The following NAV2 variants were observed in gnomAD, a reference collection of about 807,000 sequenced individuals.
The protein encoded by NAV2 is neuron navigator 2.
Under a neutral mutation model 223.2 loss-of-function variants are expected in NAV2, and 54 were observed. That is an observed-to-expected ratio of 0.24 (90% CI 0.19 to 0.30). The LOEUF is 0.30. Among genes scored for constraint, NAV2 ranks in the 10% least tolerant of loss-of-function variants. The pLI is 1.00. For missense variants in NAV2, 2,806 were observed against 3,147.5 expected, an observed-to-expected ratio of 0.89 and a Z score of 2.60; for synonymous variants, 1,279 against 1,239.3, an observed-to-expected ratio of 1.03 and a Z score of -0.67.
At chr11:19,556,884 A>G (rs2044912311) in intron 1 of NAV2, among the ~76,000 whole-genome samples, 1 of 152,166 alleles carries the variant, frequency 6.6e-6, no homozygotes, top group African/African-American at 2.4e-5. Context: ...TGAAATAAAA[A>G]CGTCATTTTT....
chr11:19,417,041 G>T (rs1230235003), intron 1 of NAV2, among the ~76,000 whole-genome samples: 1 of 152,214 alleles, frequency 6.6e-6, no homozygotes, highest in Non-Finnish European at 1.5e-5. Context: ...CGTGGGCAAA[G>T]ACTTCATGAC....
At chr11:19,891,916 T>TA (rs1362251303) in intron 5 of NAV2, among the ~76,000 whole-genome samples, 2 of 152,028 alleles carry the variant, frequency 1.3e-5, no homozygotes, top group African/African-American at 4.8e-5. Flanking sequence ...TATTCAAAAG[T>TA]AAAAATACTT....
chr11:19,949,093 G>A lies in NAV2; in HGVS notation c.2645+13G>A. The A allele has an allele frequency of 1.3e-6, 2 of 1,569,818 alleles. No individual in the cohort carries two copies. The highest frequency in any genetic ancestry group is 1.7e-6 in the Non-Finnish European group (2 of 1,157,070). On this transcript the variant is annotated intron_variant, in intron 10 of 37. Transcript: ENST00000349880. ...ACATTACAAGCGGGTAAGTACCCGGGGCCGCCCTTTCTCCCAGAGAGAAAG... is the reference window on the plus strand; with the variant it reads ...ACATTACAAGCGGGTAAGTACCCGGAGCCGCCCTTTCTCCCAGAGAGAAAG...
chr11:19,909,130 C>A (rs1167395514), intron 6 of NAV2, among the ~76,000 whole-genome samples: 1 of 152,160 alleles, frequency 6.6e-6, no homozygotes, highest in South Asian at 2.1e-4. Context: ...TAAATGTCTC[C>A]CCTTTCTTGG....
At chr11:19,443,144 G>T (rs1315641661) in intron 1 of NAV2, among the ~76,000 whole-genome samples, 9 of 152,182 alleles carry the variant, frequency 5.9e-5, no homozygotes, top group Non-Finnish European at 8.8e-5. Context: ...CAGTTACCTT[G>T]TCCTGCTGCC....
At chr11:19,436,100 G>A (rs879408824) in intron 1 of NAV2, among the ~76,000 whole-genome samples, 22 of 151,618 alleles carry the variant, frequency 1.5e-4, no homozygotes, top group African/African-American at 4.1e-4. Context: ...TTTTGCTTTC[G>A]TTGCCTATGA....
chr11:20,074,760 C>CCTTTT (rs56895607), intron 22 of NAV2, among the ~76,000 whole-genome samples: 2 of 110,264 alleles, frequency 1.8e-5, no homozygotes, highest in East Asian at 5.3e-4. Context: ...TGCAACTCTG[C>CCTTTT]TTTTTTTTTT....
At chr11:19,414,986 G>A (rs113886377) in intron 1 of NAV2, among the ~76,000 whole-genome samples, 2 of 152,304 alleles carry the variant, frequency 1.3e-5, no homozygotes, top group African/African-American at 4.8e-5. Flanking sequence ...GCCCACAGGA[G>A]AAAGCAGGAA....
intron 1 of NAV2, among the ~76,000 whole-genome samples, chr11:19,697,850 T>C (rs1031696151): frequency 6.6e-6 from 1 of 152,188 alleles, no homozygotes; most frequent in Non-Finnish European, 1.5e-5. Context: ...TGGGGAGGAA[T>C]GTGAGAAGGG....
chr11:19,395,755 C>T (rs2729863), intron 1 of NAV2, among the ~76,000 whole-genome samples: 146,963 of 152,280 alleles, frequency 0.97, 71,121 homozygotes, highest in East Asian at 1. Flanking sequence ...TCCCGCCTCC[C>T]TTCCTCATGG....
intron 1 of NAV2, among the ~76,000 whole-genome samples, chr11:19,687,439 C>T (rs1422919121): frequency 1.3e-5 from 2 of 152,198 alleles, no homozygotes; most frequent in African/African-American, 4.8e-5. Context: ...TGAATTATCT[C>T]AAAGTGAACA....
intron 1 of NAV2, among the ~76,000 whole-genome samples, chr11:19,763,531 G>A (rs984049807): frequency 9.8e-5 from 15 of 152,292 alleles, no homozygotes; most frequent in Middle Eastern, 3.4e-3. Flanking sequence ...GCCTGGGGGC[G>A]ACACTGCCTT....
At chr11:19,976,701 C>T (rs1341185814) in intron 10 of NAV2, among the ~76,000 whole-genome samples, 1 of 152,190 alleles carries the variant, frequency 6.6e-6, no homozygotes, top group Non-Finnish European at 1.5e-5. Flanking sequence ...GTACCTTGAC[C>T]AGAGGATTTA....
intron 1 of NAV2, among the ~76,000 whole-genome samples, chr11:19,571,665 C>A (rs1338751543): frequency 5.9e-5 from 9 of 151,486 alleles, no homozygotes; most frequent in African/African-American, 2.2e-4. Flanking sequence ...GAGATTGCAC[C>A]ACTGCACTCC....
At chr11:19,856,164 ATTCT>A (rs1245784143) in intron 3 of NAV2, among the ~76,000 whole-genome samples, 1 of 152,220 alleles carries the variant, frequency 6.6e-6, no homozygotes, top group Non-Finnish European at 1.5e-5. Context: ...AAAAATTATC[ATTCT>A]TTCTTCACAG....
intron 1 of NAV2, among the ~76,000 whole-genome samples, chr11:19,547,073 C>T (rs1349966581): frequency 6.6e-6 from 1 of 152,204 alleles, no homozygotes; most frequent in East Asian, 1.9e-4. Context: ...TGAATATTGA[C>T]ATGGGGGTGG....
At chr11:19,701,923 GTC>G (rs1218095782) in intron 1 of NAV2, among the ~76,000 whole-genome samples, 7 of 152,178 alleles carry the variant, frequency 4.6e-5, no homozygotes, top group African/African-American at 1.7e-4. Flanking sequence ...CCTCATGGGT[GTC>G]TCTGTTTTGT....
chr11:19,384,825 A>G (rs113422638), intron 1 of NAV2: 2 of 152,300 alleles, frequency 1.3e-5, no homozygotes, highest in Middle Eastern at 3.4e-3. Flanking sequence ...GGACCTTGCT[A>G]TCCCTGAGCT....
At chr11:20,012,338 A>C (rs1468673939) in intron 11 of NAV2, among the ~76,000 whole-genome samples, 1 of 152,188 alleles carries the variant, frequency 6.6e-6, no homozygotes, top group Admixed American at 6.5e-5. Context: ...AACTGCACTT[A>C]CTTTTGCACC....
Sources: gnomAD v4.1 joint callset for allele counts (sites outside exome capture counted in the v4.1 genomes callset) on GRCh38, gnomAD v4.1.1 for gene constraint, MANE v1.5 for transcripts, NCBI Gene and HGNC (gene_info 2026-07-23, HGNC 2026-07-21) for gene names.